Variants in NR3C1 observed in about 807,000 individuals in gnomAD.
The protein encoded by NR3C1 is nuclear receptor subfamily 3 group C member 1.
In NR3C1, 14 loss-of-function variants were observed where a neutral mutation model predicts 74.0. The observed-to-expected ratio is 0.19, with a 90% CI of 0.12 to 0.30. The LOEUF (loss-of-function observed/expected upper bound fraction) is 0.30. Among genes scored for constraint, NR3C1 ranks in the 10% least tolerant of loss-of-function variants. NR3C1 has a pLI of 1.00. For missense variants in NR3C1, 695 were observed against 909.8 expected (o/e 0.76, Z 3.04); for synonymous variants, 308 against 332.5 (o/e 0.93, Z 0.80).
At chr5:143,295,629 T>G (rs1387037103) in intron 6 of NR3C1, 39 bp from the exon 7 acceptor site, 1 of 1,550,346 alleles carries the variant, frequency 6.5e-7, no homozygotes, top group Non-Finnish European at 8.9e-7. Flanking sequence ...TTAGAAATAC[T>G]GCTACTTCCC....
chr5:143,410,443 A>G (rs918282095), intron 1 of NR3C1, among the ~76,000 whole-genome samples: 2 of 152,202 alleles, frequency 1.3e-5, no homozygotes, highest in African/African-American at 2.4e-5. Context: ...AAGTGCTACA[A>G]AGGACATTTG....
chr5:143,296,755 G>T (rs1817331313), intron 6 of NR3C1, among the ~76,000 whole-genome samples: 1 of 152,086 alleles, frequency 6.6e-6, no homozygotes, highest in African/African-American at 2.4e-5. Context: ...AGACACCAGA[G>T]CAGTATGGAA....
chr5:143,340,630 G>A (rs774225086), intron 2 of NR3C1, among the ~76,000 whole-genome samples: 45 of 151,502 alleles, frequency 3.0e-4, no homozygotes, highest in South Asian at 2.1e-4. Context: ...TTACAGGTGC[G>A]CGCCACCACG....
intron 2 of NR3C1, among the ~76,000 whole-genome samples, chr5:143,367,198 C>T (rs1422060769): frequency 6.6e-6 from 1 of 152,172 alleles, no homozygotes; most frequent in African/African-American, 2.4e-5. Flanking sequence ...TTGACAAAAT[C>T]TAATGCCCTT....
chr5:143,293,377 T>C (rs1470881469), intron 7 of NR3C1, among the ~76,000 whole-genome samples: 5 of 151,764 alleles, frequency 3.3e-5, no homozygotes, highest in African/African-American at 1.2e-4. Context: ...TGGACTAGGG[T>C]TGGGGAGGGG....
intron 2 of NR3C1, among the ~76,000 whole-genome samples, chr5:143,368,534 T>TACAC (rs201482184): frequency 0.016 from 2,331 of 145,008 alleles, 31 homozygotes; most frequent in South Asian, 0.045. Flanking sequence ...ATATTCTAGA[T>TACAC]ACACACACAC....
Position 143,308,806 on chromosome 5 carries a change from G to C in NR3C1, c.1468+1291C>G, listed in dbSNP as rs972336687. On this transcript the variant is annotated intron_variant, in intron 4 of 8. Transcript: ENST00000394464. ...AACCTAACTAGCAGATAAACTACTT[G>C]AATACAGGCACTATTTTATTCATTT... Among the ~76,000 whole-genome samples the C allele has an allele frequency of 2.6e-5, 4 of 152,076 alleles. No homozygotes were observed. In the South Asian group the frequency reaches 6.2e-4, roughly 24 times the overall value.
chr5:143,373,812 C>T (rs1379192623), intron 2 of NR3C1, among the ~76,000 whole-genome samples: 1 of 152,082 alleles, frequency 6.6e-6, no homozygotes. Context: ...GGGCATCCAG[C>T]GAGCACCAAA....
intron 7 of NR3C1, among the ~76,000 whole-genome samples, chr5:143,287,542 C>T (rs969461280): frequency 1.3e-5 from 2 of 152,102 alleles, no homozygotes; most frequent in Non-Finnish European, 2.9e-5. Flanking sequence ...AAAGAAAACA[C>T]AGACCCAGAT....
chr5:143,282,971 T>C (rs1813461856), intron 7 of NR3C1, among the ~76,000 whole-genome samples: 1 of 151,984 alleles, frequency 6.6e-6, no homozygotes, highest in Non-Finnish European at 1.5e-5. Flanking sequence ...ACTGGAGCCT[T>C]GACCTCCTTG....
upstream of NR3C1, chr5:143,404,265 A>C (rs1417945591): frequency 1.0e-6 from 1 of 985,432 alleles, no homozygotes; most frequent in East Asian, 1.1e-4. Flanking sequence ...ACGGGGTTGC[A>C]CGGAAACGGT....
chr5:143,366,576 A>G (rs939072759), intron 2 of NR3C1, among the ~76,000 whole-genome samples: 20 of 151,298 alleles, frequency 1.3e-4, no homozygotes, highest in Non-Finnish European at 2.4e-4. Context: ...ACTGACCAAG[A>G]AAAAAAAGGA....
intron 2 of NR3C1, among the ~76,000 whole-genome samples, chr5:143,334,339 G>A (rs1381246864): frequency 1.3e-5 from 2 of 152,086 alleles, no homozygotes; most frequent in Non-Finnish European, 2.9e-5. Flanking sequence ...CTGAGATCAC[G>A]CCATTGCACT....
chr5:143,416,508 A>T (rs4244033), intron 1 of NR3C1, among the ~76,000 whole-genome samples: 151,236 of 152,208 alleles, frequency 0.99, 75,145 homozygotes, highest in Middle Eastern at 1. Flanking sequence ...ATTATATAAT[A>T]TGAATGTCTA....
chr5:143,342,070 C>T (rs1202533100), intron 2 of NR3C1, among the ~76,000 whole-genome samples: 2 of 151,646 alleles, frequency 1.3e-5, no homozygotes, highest in Admixed American at 6.6e-5. Context: ...CAAGAATCTA[C>T]GACAGCCACA....
chr5:143,402,786 G>C (rs966015573), intron 1 of NR3C1: 2 of 985,322 alleles, frequency 2.0e-6, no homozygotes, highest in Non-Finnish European at 2.4e-6. Flanking sequence ...CGCCGGGGTG[G>C]CGTGCAAATA....
intron 1 of NR3C1, among the ~76,000 whole-genome samples, chr5:143,401,067 C>T (rs1043533481): frequency 6.6e-6 from 1 of 152,196 alleles, no homozygotes; most frequent in Non-Finnish European, 1.5e-5. Context: ...AAGTACAATG[C>T]AATCCATTTG....
intron 3 of NR3C1, among the ~76,000 whole-genome samples, chr5:143,312,699 C>T (rs1821227599): frequency 6.6e-6 from 1 of 152,192 alleles, no homozygotes; most frequent in African/African-American, 2.4e-5. Flanking sequence ...ATCACTTTCC[C>T]ACCATCATAA....
chr5:143,298,562 A>G, intron 6 of NR3C1, 106 bp downstream of exon 6: 1 of 1,240,866 alleles, frequency 8.1e-7, no homozygotes. Context: ...GATACCTAGT[A>G]GGATTGTTTC....
Sources: allele counts gnomAD v4.1 joint callset (sites outside exome capture counted in the v4.1 genomes callset), GRCh38; gene constraint gnomAD v4.1.1; transcripts MANE v1.5; gene names NCBI Gene and HGNC (gene_info 2026-07-23, HGNC 2026-07-21).